Variants in COL5A2 observed in about 807,000 individuals in gnomAD.
COL5A2 encodes the protein collagen alpha-2(V) chain.
In COL5A2, 23 loss-of-function variants were observed where a neutral mutation model predicts 208.2. The ratio of observed to expected loss-of-function variants is 0.11; its 90% CI spans 0.08 to 0.16. The LOEUF is 0.16. Among genes scored for constraint, COL5A2 ranks in the 10% least tolerant of loss-of-function variants. The pLI is 1.00. For missense variants in COL5A2, 1,590 were observed against 1,956.4 expected, an observed-to-expected ratio of 0.81 and a Z score of 3.53; for synonymous variants, 625 against 628.5, an observed-to-expected ratio of 0.99 and a Z score of 0.08.
At chr2:189,432,108 G>C in the COL5A2 span, among the ~76,000 whole-genome samples, 1 of 152,158 alleles carries the variant, frequency 6.6e-6, no homozygotes, top group African/African-American at 2.4e-5. Context: ...AGCTTCATAA[G>C]TGAAGGAGAA....
chr2:189,074,330 T>C (rs1274378099), intron 17 of COL5A2, among the ~76,000 whole-genome samples: 1 of 152,118 alleles, frequency 6.6e-6, no homozygotes, highest in African/African-American at 2.4e-5. Context: ...CAGATTTTCA[T>C]CTTCAAGCGT....
intron 6 of COL5A2, among the ~76,000 whole-genome samples, chr2:189,095,670 T>G (rs1686894651): frequency 6.6e-6 from 1 of 152,138 alleles, no homozygotes; most frequent in South Asian, 2.1e-4. Context: ...CCAGGAACTC[T>G]GGAAGTCTGG....
At chr2:189,438,505 C>T in the COL5A2 span, among the ~76,000 whole-genome samples, 307 of 152,218 alleles carry the variant, frequency 2.0e-3, 1 homozygote, top group African/African-American at 7.2e-3. Context: ...AATGGAATAC[C>T]ACTCAGCAAT....
At chr2:189,311,325 T>C in the COL5A2 span, 1 of 1,097,202 alleles carries the variant, frequency 9.1e-7, no homozygotes. Context: ...ATCTGGCAGG[T>C]GGTGGTGTTT....
the COL5A2 span, among the ~76,000 whole-genome samples, chr2:189,352,677 G>A: frequency 5.3e-5 from 8 of 151,950 alleles, no homozygotes; most frequent in African/African-American, 9.7e-5. Context: ...TAAGTTCTTT[G>A]TAGATTCTTA....
At chr2:189,244,187 T>C in the COL5A2 span, among the ~76,000 whole-genome samples, 28 of 152,250 alleles carry the variant, frequency 1.8e-4, no homozygotes, top group Admixed American at 1.4e-3. Flanking sequence ...TCATTACTTA[T>C]GCAAATTTCT....
chr2:189,363,039 A>G, the COL5A2 span, among the ~76,000 whole-genome samples: 3 of 152,168 alleles, frequency 2.0e-5, no homozygotes, highest in Non-Finnish European at 4.4e-5. Flanking sequence ...GAATTTAAAT[A>G]GAAGAAAACA....
chr2:189,396,990 C>CAA, the COL5A2 span, among the ~76,000 whole-genome samples: 2,413 of 95,744 alleles, frequency 0.025, 100 homozygotes, highest in African/African-American at 0.093. Flanking sequence ...GACTCCGTCT[C>CAA]AAAAAAAAAA....
chr2:189,191,895 A>C (rs932501297), intron 1 of COL5A2, among the ~76,000 whole-genome samples: 1 of 148,580 alleles, frequency 6.7e-6, no homozygotes, highest in African/African-American at 2.5e-5. Flanking sequence ...TCTTGTAAGA[A>C]AAAAAAAAAA....
chr2:189,310,364 G>C, the COL5A2 span, among the ~76,000 whole-genome samples: 4 of 152,124 alleles, frequency 2.6e-5, no homozygotes, highest in Non-Finnish European at 5.9e-5. Context: ...AAAGCTACAA[G>C]GAGATATCAT....
chr2:189,284,279 A>C, the COL5A2 span, among the ~76,000 whole-genome samples: 1 of 152,146 alleles, frequency 6.6e-6, no homozygotes, highest in East Asian at 1.9e-4. Context: ...GTTCTTGCAA[A>C]CTCAAGTATA....
intron 1 of COL5A2, among the ~76,000 whole-genome samples, chr2:189,124,747 A>G (rs1469395194): frequency 2.8e-5 from 4 of 144,854 alleles, no homozygotes; most frequent in Non-Finnish European, 6.1e-5. Flanking sequence ...TTTTTTTTTT[A>G]ATTTAATCTT....
rs145516665 is a variant in COL5A2, at chr2:189,127,711, T to C, written c.98-17262A>G. ...GTGTTATTTAGACACAAACCATTAT[T>C]ATTTAGCACAGAGGTTCCCAGATTT... On this transcript the variant is annotated intron_variant, in intron 1 of 53. Coordinates refer to ENST00000374866, the MANE Select transcript of COL5A2 (RefSeq NM_000393.5). 3.8e-3 allele frequency among the ~76,000 whole-genome samples: 573 copies of C among 152,122 alleles called. 3 individuals are homozygous for C. Among genetic ancestry groups the C allele is most frequent in the South Asian group, 0.015 (72 of 4,824 alleles).
chr2:189,397,485 C>A, the COL5A2 span, among the ~76,000 whole-genome samples: 1 of 152,066 alleles, frequency 6.6e-6, no homozygotes, highest in Non-Finnish European at 1.5e-5. Context: ...GGAAAGGTCT[C>A]CAATTATTGA....
At chr2:189,204,284 A>T (rs921004480) in intron 1 of COL5A2, among the ~76,000 whole-genome samples, 16 of 152,220 alleles carry the variant, frequency 1.1e-4, no homozygotes, top group African/African-American at 3.9e-4. Context: ...TCGCTTTAAC[A>T]TTTCAAAAAT....
At chr2:189,400,420 GCCA>G in the COL5A2 span, among the ~76,000 whole-genome samples, 1 of 151,908 alleles carries the variant, frequency 6.6e-6, no homozygotes, top group South Asian at 2.1e-4. Flanking sequence ...TTTCTCTTTA[GCCA>G]TACCAAATAT....
the COL5A2 span, among the ~76,000 whole-genome samples, chr2:189,376,557 T>C: frequency 3.6e-3 from 545 of 152,310 alleles, 6 homozygotes; most frequent in African/African-American, 0.012. Context: ...TACAGAGTCT[T>C]TTTCAAGTAA....
the COL5A2 span, among the ~76,000 whole-genome samples, chr2:189,378,279 G>GA: frequency 6.6e-6 from 1 of 152,134 alleles, no homozygotes; most frequent in South Asian, 2.1e-4. Flanking sequence ...ATTAGAAATA[G>GA]AAAATAGTTG....
chr2:189,214,017 T>C (rs1326439085), intron 1 of COL5A2, among the ~76,000 whole-genome samples: 3 of 152,210 alleles, frequency 2.0e-5, no homozygotes, highest in Non-Finnish European at 4.4e-5. Flanking sequence ...ATGTTTTTAA[T>C]GGTAGTACCT....
Sources: allele counts gnomAD v4.1 joint callset (sites outside exome capture counted in the v4.1 genomes callset), GRCh38; gene constraint gnomAD v4.1.1; transcripts MANE v1.5; gene names NCBI Gene and HGNC (gene_info 2026-07-23, HGNC 2026-07-21).